Variants in GOLGA8B observed in about 807,000 individuals in gnomAD.
GOLGA8B encodes golgin A8 family member B.
A neutral mutation model predicts 15.6 loss-of-function variants in GOLGA8B; 1 was observed. That is an observed-to-expected ratio of 0.06 (90% confidence interval 0.02 to 0.30). The LOEUF (loss-of-function observed/expected upper bound fraction) is 0.30. Ranked by LOEUF, GOLGA8B falls within the 10% of genes least tolerant of loss-of-function variation. The pLI is 1.00. For synonymous variants in GOLGA8B, 9 were observed against 80.3 expected, an observed-to-expected ratio of 0.11 and a Z score of 4.75; for missense variants, 17 against 201.3, an observed-to-expected ratio of 0.08 and a Z score of 5.54.
intron 1 of GOLGA8B, among the ~76,000 whole-genome samples, chr15:34,563,660 G>C (rs867771614): frequency 0.011 from 1,732 of 151,948 alleles, 1 homozygote; most frequent in African/African-American, 0.039. Flanking sequence ...TATGTGTTCA[G>C]TGTTCAGTTT....
Position 34,554,359 on chromosome 15 carries a change from C to T in GOLGA8B, c.-1122-403G>A, listed in dbSNP as rs74442807. Reference sequence around the variant, plus strand: ...GCACATGTGTGCATGTGTGTGCATACGTACATGCACCACACACATACCATG... The same window carrying T: ...GCACATGTGTGCATGTGTGTGCATATGTACATGCACCACACACATACCATG... On this transcript the variant is annotated intron_variant, in intron 1 of 23. Transcript: ENST00000683415. Among the ~76,000 whole-genome samples the T allele has an allele frequency of 6.6e-5, 10 of 152,228 alleles. No homozygotes were observed. In the East Asian group the frequency reaches 7.7e-4, roughly 12 times the overall value.
chr15:34,579,522 A>G (rs1160174640), intron 1 of GOLGA8B, among the ~76,000 whole-genome samples: 2 of 152,192 alleles, frequency 1.3e-5, no homozygotes, highest in African/African-American at 4.8e-5. Context: ...TGAAAATCCA[A>G]AAAGGAATCT....
intron 1 of GOLGA8B, among the ~76,000 whole-genome samples, chr15:34,579,546 G>C (rs1889173660): frequency 6.6e-6 from 1 of 152,188 alleles, no homozygotes; most frequent in Non-Finnish European, 1.5e-5. Context: ...TGCACAATAA[G>C]AAAGCTCATT....
intron 1 of GOLGA8B, chr15:34,581,621 C>T (rs1215880862): frequency 1.3e-5 from 2 of 151,588 alleles, no homozygotes; most frequent in Non-Finnish European, 2.9e-5. Context: ...GTTATGTAAA[C>T]AAGTTAACCA....
intron 1 of GOLGA8B, among the ~76,000 whole-genome samples, chr15:34,578,996 A>G (rs1207562510): frequency 6.6e-6 from 1 of 152,162 alleles, no homozygotes; most frequent in Non-Finnish European, 1.5e-5. Context: ...AAGAGAAGCC[A>G]CACCATGGAG....
chr15:34,569,669 A>C lies in GOLGA8B; in HGVS notation c.-1123+13847T>G, dbSNP rs1462368441. On this transcript the variant is annotated intron_variant, in intron 1 of 23. Coordinates refer to ENST00000683415, the MANE Select transcript of GOLGA8B (RefSeq NM_001023567.5). ...TTAGCTGGTATTGATAGCTGTTAAC[A>C]CCCTGAACAAAGACTAAATGAAAAT... 2.0e-5 allele frequency among the ~76,000 whole-genome samples: 3 copies of C among 151,724 alleles called. No homozygotes were observed. The East Asian group carries it at 5.8e-4, about 29-fold the overall frequency.
intron 1 of GOLGA8B, among the ~76,000 whole-genome samples, chr15:34,583,220 C>T (rs969532891): frequency 3.0e-4 from 46 of 152,088 alleles, no homozygotes; most frequent in African/African-American, 1.1e-3. Flanking sequence ...GAGAGTGGCC[C>T]CTCACCGCGG....
chr15:34,561,004 C>T (rs1354633923), intron 1 of GOLGA8B, among the ~76,000 whole-genome samples: 11 of 145,762 alleles, frequency 7.5e-5, no homozygotes, highest in African/African-American at 2.8e-4. Flanking sequence ...GGGCTGTAAG[C>T]GGCGGAGCTT....
chr15:34,550,811 T>C (rs1259927422), intron 4 of GOLGA8B, among the ~76,000 whole-genome samples: 1 of 139,858 alleles, frequency 7.2e-6, no homozygotes, highest in Non-Finnish European at 1.5e-5. Flanking sequence ...ATGATCAACA[T>C]AGTGAGACCC....
At chr15:34,574,000 AG>A (rs1421527422) in intron 1 of GOLGA8B, among the ~76,000 whole-genome samples, 5 of 151,956 alleles carry the variant, frequency 3.3e-5, no homozygotes, top group African/African-American at 1.2e-4. Context: ...TAAATAAGCC[AG>A]GGCTCTACTC....
intron 1 of GOLGA8B, among the ~76,000 whole-genome samples, chr15:34,575,227 T>A (rs1312437175): frequency 2.0e-5 from 3 of 151,888 alleles, no homozygotes; most frequent in Non-Finnish European, 1.5e-5. Context: ...CACATGACGC[T>A]GGCGGTGCCT....
Position 34,559,956 on chromosome 15 carries a change from C to T in GOLGA8B, c.-1122-6000G>A, listed in dbSNP as rs1318026906. On this transcript the variant is annotated intron_variant, in intron 1 of 23. Coordinates refer to ENST00000683415, the MANE Select transcript of GOLGA8B (RefSeq NM_001023567.5). ...GGACCTGGCGTGTGTGGTCGTGGGG[C>T]GGTGCGTGGGCACATCCCTGGGAGG... Among the ~76,000 whole-genome samples, 9 of 149,718 alleles carry T rather than the reference C, an allele frequency of 6.0e-5. 1 individual carries two copies. Among genetic ancestry groups the T allele is most frequent in the Non-Finnish European group, 1.0e-4 (7 of 67,720 alleles).
chr15:34,573,225 T>C (rs1211713376), intron 1 of GOLGA8B, among the ~76,000 whole-genome samples: 1 of 152,072 alleles, frequency 6.6e-6, no homozygotes, highest in South Asian at 2.1e-4. Context: ...TAAAACAAAA[T>C]AGACAAGCAC....
At chr15:34,561,509 GAT>G (rs1271609739) in intron 1 of GOLGA8B, among the ~76,000 whole-genome samples, 2 of 111,614 alleles carry the variant, frequency 1.8e-5, no homozygotes, top group African/African-American at 8.1e-5. Flanking sequence ...TCTCACTTTG[GAT>G]TTGCCTATTC....
intron 1 of GOLGA8B, among the ~76,000 whole-genome samples, chr15:34,574,458 C>T (rs1889013298): frequency 1.3e-5 from 2 of 151,774 alleles, no homozygotes; most frequent in Admixed American, 6.6e-5. Flanking sequence ...CATGAGCCAC[C>T]ACATCTGGCT....
intron 1 of GOLGA8B, among the ~76,000 whole-genome samples, chr15:34,566,927 G>A (rs1349709324): frequency 8.5e-6 from 1 of 117,256 alleles, no homozygotes; most frequent in Non-Finnish European, 1.8e-5. Flanking sequence ...CACCATCGGC[G>A]GCCACTCCCC....
chr15:34,546,867 G>A lies in GOLGA8B; in HGVS notation c.-527+68C>T, dbSNP rs1280593934. On this transcript the variant is annotated intron_variant, in intron 5 of 23. Coordinates refer to ENST00000683415, the MANE Select transcript of GOLGA8B (RefSeq NM_001023567.5). Reference sequence around the variant, plus strand: ...TTTGTTTTTTTTGTTTTAGGCCTGCGTGCTTTATTCGTTACCCCGTATGAA... The same window carrying A: ...TTTGTTTTTTTTGTTTTAGGCCTGCATGCTTTATTCGTTACCCCGTATGAA... 2.1e-4 allele frequency: 17 copies of A among 79,740 alleles called. 1 individual carries two copies. Among genetic ancestry groups the A allele is most frequent in the South Asian group, 1.1e-3 (2 of 1,834 alleles). 4.9% of individuals were successfully genotyped at this position (79,740 alleles called of 1,614,324 possible).
rs1035312742 is a variant in GOLGA8B, at chr15:34,573,490, T to C, written c.-1123+10026A>G. ...AGGTGGAGCTTACAGTAAGCCGAGA[T>C]TGTGCCACTGCACTCCAGCCTGGGT... On this transcript the variant is annotated intron_variant, in intron 1 of 23. Coordinates refer to ENST00000683415, the MANE Select transcript of GOLGA8B (RefSeq NM_001023567.5). Among the ~76,000 whole-genome samples the C allele has an allele frequency of 1.0e-3, 149 of 145,188 alleles. 1 individual carries two copies. The highest frequency in any genetic ancestry group is 1.8e-3 in the Non-Finnish European group (118 of 67,292).
At position 34,525,690 on chromosome 15, in the gene GOLGA8B, G is replaced by A. The variant is rs1334249438; in HGVS notation, c.*1942C>T. 6.7e-6 allele frequency: 1 copy of A among 149,826 alleles called. No individual in the cohort carries two copies. The highest frequency in any genetic ancestry group is 2.5e-5 in the African/African-American group (1 of 40,508). The allele number at this position is 149,826 out of a possible 1,614,324, so 9.3% of individuals were successfully genotyped here. ...ATTTTTTCTTTATTATTCTGAAACT[G>A]GGTTTATCTAATACATTGATAAATT... On this transcript the variant is annotated 3_prime_UTR_variant, in exon 24 of 24. Coordinates refer to ENST00000683415, the MANE Select transcript of GOLGA8B (RefSeq NM_001023567.5).
Sources: allele counts gnomAD v4.1 joint callset (sites outside exome capture counted in the v4.1 genomes callset), GRCh38; gene constraint gnomAD v4.1.1; transcripts MANE v1.5; gene names NCBI Gene and HGNC (gene_info 2026-07-23, HGNC 2026-07-21).